GMDS: variants seen among roughly 807,000 people sequenced by gnomAD.
The protein encoded by GMDS is GDP-mannose 4,6-dehydratase.
In GMDS, 20 loss-of-function variants were observed where a neutral mutation model predicts 49.9. The ratio of observed to expected loss-of-function variants is 0.40; its 90% confidence interval spans 0.28 to 0.58. GMDS has a LOEUF of 0.58. GMDS is among the 20% of genes least tolerant of loss of function. The pLI is 0.42. For missense variants in GMDS, 362 were observed against 481.4 expected, an observed-to-expected ratio of 0.75 and a Z score of 2.32; for synonymous variants, 177 against 178.6, an observed-to-expected ratio of 0.99 and a Z score of 0.07.
chr6:2,178,699 T>C (rs1778391857), intron 1 of GMDS, among the ~76,000 whole-genome samples: 1 of 152,168 alleles, frequency 6.6e-6, no homozygotes, highest in East Asian at 1.9e-4. Flanking sequence ...AACACACCTG[T>C]GTATGTACTC....
At chr6:1,817,194 T>C (rs886692395) in intron 7 of GMDS, among the ~76,000 whole-genome samples, 2 of 151,846 alleles carry the variant, frequency 1.3e-5, no homozygotes, top group Non-Finnish European at 2.9e-5. Flanking sequence ...CCTGTTCTAA[T>C]ACAAATGGGT....
chr6:2,199,670 C>T (rs565406186), intron 1 of GMDS, among the ~76,000 whole-genome samples: 44 of 152,304 alleles, frequency 2.9e-4, no homozygotes, highest in African/African-American at 1.1e-3. Context: ...TAATGCAATG[C>T]CCCAAGCTCA....
intron 4 of GMDS, among the ~76,000 whole-genome samples, chr6:2,001,707 T>C (rs1300968741): frequency 2.6e-5 from 4 of 152,130 alleles, no homozygotes; most frequent in Non-Finnish European, 5.9e-5. Flanking sequence ...ATCAATGGAC[T>C]AGAAACATGA....
chr6:1,975,377 T>C (rs1459410632), intron 4 of GMDS, among the ~76,000 whole-genome samples: 1 of 152,220 alleles, frequency 6.6e-6, no homozygotes, highest in East Asian at 1.9e-4. Flanking sequence ...ACACTGACTC[T>C]GGGACTGGGA....
At chr6:1,990,288 T>A (rs2127361623) in intron 4 of GMDS, among the ~76,000 whole-genome samples, 1 of 152,274 alleles carries the variant, frequency 6.6e-6, no homozygotes, top group Middle Eastern at 3.4e-3. Flanking sequence ...AGAGCGAGAC[T>A]GTCTCAAAAG....
chr6:1,837,909 C>T (rs911170866), intron 7 of GMDS, among the ~76,000 whole-genome samples: 1 of 152,132 alleles, frequency 6.6e-6, no homozygotes, highest in Non-Finnish European at 1.5e-5. Context: ...ACTAGGGGGA[C>T]ACTGCTCAGG....
chr6:1,991,395 A>C (rs1430136589), intron 4 of GMDS, among the ~76,000 whole-genome samples: 1 of 151,580 alleles, frequency 6.6e-6, no homozygotes. Context: ...CACCCACCCC[A>C]CTTCACTTCA....
intron 1 of GMDS, among the ~76,000 whole-genome samples, chr6:2,146,118 T>C (rs986012322): frequency 6.6e-6 from 1 of 152,256 alleles, no homozygotes; most frequent in Non-Finnish European, 1.5e-5. Context: ...GTTTCACACC[T>C]AGCAGATTAG....
At chr6:2,186,559 G>A (rs573495605) in intron 1 of GMDS, among the ~76,000 whole-genome samples, 1 of 152,248 alleles carries the variant, frequency 6.6e-6, no homozygotes, top group East Asian at 1.9e-4. Context: ...AATTAAACAT[G>A]CTAAAAGAAC....
intron 1 of GMDS, among the ~76,000 whole-genome samples, chr6:2,244,983 C>T (rs942911056): frequency 2.6e-5 from 4 of 152,178 alleles, no homozygotes; most frequent in Non-Finnish European, 5.9e-5. Context: ...GCACTAGGAG[C>T]TGCGAAGCAC....
At chr6:1,945,436 C>T (rs1376226741) in intron 6 of GMDS, among the ~76,000 whole-genome samples, 1 of 152,052 alleles carries the variant, frequency 6.6e-6, no homozygotes, top group East Asian at 1.9e-4. Context: ...AGCATTTGGT[C>T]AGTACTAGAT....
chr6:2,206,398 G>A (rs956107213), intron 1 of GMDS, among the ~76,000 whole-genome samples: 1 of 152,058 alleles, frequency 6.6e-6, no homozygotes, highest in Non-Finnish European at 1.5e-5. Context: ...CCTCTGGGAG[G>A]CTCTAGGAGG....
At chr6:1,717,433 G>A (rs1455141945) in intron 9 of GMDS, 2 of 152,198 alleles carry the variant, frequency 1.3e-5, no homozygotes, top group African/African-American at 4.8e-5. Context: ...CTAGCCTACT[G>A]GGGATACTGC....
intron 7 of GMDS, among the ~76,000 whole-genome samples, chr6:1,825,718 A>G (rs1342509967): frequency 6.6e-6 from 1 of 152,208 alleles, no homozygotes; most frequent in Non-Finnish European, 1.5e-5. Flanking sequence ...AGCATAAAAG[A>G]TAGAAAATGG....
intron 7 of GMDS, among the ~76,000 whole-genome samples, chr6:1,809,669 GTAAAT>G (rs1770330392): frequency 6.6e-6 from 1 of 152,164 alleles, no homozygotes; most frequent in Non-Finnish European, 1.5e-5. Context: ...AACCAACTGT[GTAAAT>G]TAAAGAACTA....
chr6:2,120,090 G>A (rs1426631277), intron 2 of GMDS, among the ~76,000 whole-genome samples: 1 of 152,174 alleles, frequency 6.6e-6, no homozygotes, highest in East Asian at 1.9e-4. Flanking sequence ...CTTTTGAAAA[G>A]TATAGATTAT....
intron 1 of GMDS, among the ~76,000 whole-genome samples, chr6:2,204,938 A>T (rs951898249): frequency 2.0e-5 from 3 of 152,164 alleles, no homozygotes; most frequent in Non-Finnish European, 4.4e-5. Flanking sequence ...TATGAATACC[A>T]TTTGTTTCTG....
intron 7 of GMDS, among the ~76,000 whole-genome samples, chr6:1,900,659 A>G (rs73425506): frequency 0.021 from 3,270 of 152,304 alleles, 112 homozygotes; most frequent in African/African-American, 0.076. Context: ...AAATAATGTG[A>G]CAAGAAGAGA....
chr6:1,726,844 T>G (rs1451560960), intron 8 of GMDS, among the ~76,000 whole-genome samples: 4 of 152,028 alleles, frequency 2.6e-5, no homozygotes, highest in Non-Finnish European at 5.9e-5. Flanking sequence ...AGACCATTCT[T>G]GGTCAATTCA....
Sources: allele counts gnomAD v4.1 joint callset (sites outside exome capture counted in the v4.1 genomes callset), GRCh38; gene constraint gnomAD v4.1.1; transcripts MANE v1.5; gene names NCBI Gene and HGNC (gene_info 2026-07-23, HGNC 2026-07-21).